Variants in TP53BP1 observed in about 807,000 individuals in gnomAD.
TP53BP1 encodes the protein tumor protein p53 binding protein 1.
A neutral mutation model predicts 200.8 loss-of-function variants in TP53BP1; 61 were observed. The ratio of observed to expected loss-of-function variants is 0.30; its 90% CI spans 0.25 to 0.38. The LOEUF (loss-of-function observed/expected upper bound fraction) is 0.38, where lower values mean the gene tolerates loss of function less well. Ranked by LOEUF, TP53BP1 falls within the 10% of genes least tolerant of loss-of-function variation. The probability of loss-of-function intolerance (pLI) is 1.00; values close to 1 mark genes in which losing one functional copy is unlikely to be tolerated. For synonymous variants in TP53BP1, 822 were observed against 844.3 expected, an observed-to-expected ratio of 0.97 and a Z score of 0.46; for missense variants, 2,144 against 2,371.9, an observed-to-expected ratio of 0.90 and a Z score of 2.00.
chr15:43,495,734 G>A (rs2079179237), upstream of TP53BP1, among the ~76,000 whole-genome samples: 1 of 149,154 alleles, frequency 6.7e-6, no homozygotes, highest in African/African-American at 2.5e-5. Context: ...GGAGAATGGC[G>A]TGAACCCGGG....
At chr15:43,419,396 G>A (rs1243567315) in intron 21 of TP53BP1, among the ~76,000 whole-genome samples, 1 of 151,848 alleles carries the variant, frequency 6.6e-6, no homozygotes, top group Non-Finnish European at 1.5e-5. Context: ...GGGTCTCACT[G>A]TTTCCCAGGC....
chr15:43,479,320 T>C (rs1043195528), intron 7 of TP53BP1, 77 bp downstream of exon 7: 5 of 1,379,766 alleles, frequency 3.6e-6, no homozygotes, highest in Non-Finnish European at 4.8e-6. Context: ...TTTCTAAAAA[T>C]GTTTTCATCT....
Position 43,422,121 on chromosome 15 carries a change from A to T in TP53BP1, c.3834T>A (p.Thr1278=). 3 of 1,613,518 alleles carry T rather than the reference A, an allele frequency of 1.9e-6. No individual in the cohort carries two copies. The highest frequency in any genetic ancestry group is 2.5e-6 in the Non-Finnish European group (3 of 1,179,792). Residue 1278 remains threonine, a synonymous_variant, in exon 19 of 28, where the codon ACT becomes ACA. Transcript: ENST00000382044. The stretch of plus-strand genomic sequence containing the variant: ...CCTGACACTCTACAATTGGCTCTTC[A>T]GTCTCCTGCAAGGAAAAAATAGATA... ...TEVERKVTEE[T]EEPIVECQEC... is the part of the protein sequence containing the mutation.
At chr15:43,443,178 G>A (rs1015586505) in intron 14 of TP53BP1, among the ~76,000 whole-genome samples, 1 of 151,366 alleles carries the variant, frequency 6.6e-6, no homozygotes, top group African/African-American at 2.4e-5. Flanking sequence ...ATTCATCTCT[G>A]CCCATATAAG....
rs1326127794 is a variant in TP53BP1 at position 43,432,463 on chromosome 15, C to T, written c.3406G>A (p.Gly1136Arg). Residue 1136 changes from glycine (G) to arginine (R), a missense_variant, in exon 17 of 28, where the codon GGA (glycine) becomes AGA (arginine). Coordinates refer to ENST00000382044, the MANE Select transcript of TP53BP1 (RefSeq NM_001141980.3). ...VTDVLEDQKE[G>R]RSTNKENPSK... ...GGATTTTCCTTATTAGTACTCCGTC[C>T]TTCTTTCTGGTCTTCTAGCACATCT... The T allele has an allele frequency of 6.2e-7, 1 of 1,614,158 alleles. No homozygotes were observed.
At chr15:43,423,495 T>C (rs202238304) in intron 18 of TP53BP1, among the ~76,000 whole-genome samples, 2 of 102,418 alleles carry the variant, frequency 2.0e-5, no homozygotes, top group African/African-American at 1.1e-4. Flanking sequence ...CCGTCTCTAC[T>C]AACACAAAAA....
Position 43,403,693 on chromosome 15 carries a change from G to A in TP53BP1, c.*3690C>T. The A allele has an allele frequency of 6.2e-7, 1 of 1,611,984 alleles. No individual in the cohort carries two copies. The highest frequency in any genetic ancestry group is 8.5e-7 in the Non-Finnish European group (1 of 1,179,452). Reference sequence around the variant, plus strand: ...CTGTTTCCCGGGTAGGTGTTTCACTGCCTGAATGAAATCCTAGATCTCTGT... The same window carrying A: ...CTGTTTCCCGGGTAGGTGTTTCACTACCTGAATGAAATCCTAGATCTCTGT... On this transcript the variant is annotated 3_prime_UTR_variant, in exon 28 of 28. Coordinates refer to ENST00000382044, the MANE Select transcript of TP53BP1 (RefSeq NM_001141980.3).
chr15:43,455,614 GGAGGCT>G (rs2046273761), intron 12 of TP53BP1, among the ~76,000 whole-genome samples: 1 of 151,922 alleles, frequency 6.6e-6, no homozygotes, highest in South Asian at 2.1e-4. Flanking sequence ...CAGCTACTTG[GGAGGCT>G]GAGGCACGAG....
Position 43,420,306 on chromosome 15 carries a change from T to C in TP53BP1, c.4680A>G (p.Ala1560=). The C allele has an allele frequency of 6.2e-7, 1 of 1,611,568 alleles. No homozygotes were observed. The highest frequency in any genetic ancestry group is 8.5e-7 in the Non-Finnish European group (1 of 1,177,960). The change falls in exon 21 of 28, where the codon GCA becomes GCG. Residue 1560 remains alanine (A), a splice_region_variant and synonymous_variant. Coordinates refer to ENST00000382044, the MANE Select transcript of TP53BP1 (RefSeq NM_001141980.3). ...TACAAACTCTGCTTCTTTCATTACC[T>C]GCACTGAAATACTCATCCTCCGAGA... ...TALSEDEYFS[A]GVVKGHRKES...
Position 43,415,582 on chromosome 15 carries a change from A to G in TP53BP1, c.5089+12T>C, listed in dbSNP as rs752210004. On this transcript the variant is annotated intron_variant, in intron 23 of 27. Transcript: ENST00000382044. ...GGTCTGAAGGAAGAATGAGGCAAAA[A>G]GGAGCACTTACCAGGTTTTACTGTG... 6.2e-7 allele frequency: 1 copy of G among 1,613,950 alleles called. No individual in the cohort carries two copies. The highest frequency in any genetic ancestry group is 2.2e-5 in the East Asian group (1 of 44,886).
intron 18 of TP53BP1, among the ~76,000 whole-genome samples, chr15:43,425,828 G>A (rs1195007808): frequency 2.0e-5 from 3 of 152,176 alleles, no homozygotes; most frequent in African/African-American, 4.8e-5. Context: ...TTAATCGGGA[G>A]GCTGAGGCAG....
chr15:43,457,066 T>G lies in TP53BP1; in HGVS notation c.1542A>C (p.Thr514=), dbSNP rs758660451. Reference sequence around the variant, plus strand: ...AAAGCATCAACTTGCAAGAATCCCCTGTCAAAGATAGCCCAAGATCCTCAG... The same window carrying G: ...AAAGCATCAACTTGCAAGAATCCCCGGTCAAAGATAGCCCAAGATCCTCAG... ...NSPEDLGLSL[T]GDSCKLMLST... Residue 514 remains threonine, a synonymous_variant, in exon 12 of 28, where the codon ACA becomes ACC. Transcript: ENST00000382044. The G allele has an allele frequency of 1.9e-6, 3 of 1,614,208 alleles. No homozygotes were observed. The highest frequency in any genetic ancestry group is 2.5e-6 in the Non-Finnish European group (3 of 1,180,038).
Position 43,491,684 on chromosome 15 carries a change from G to T in TP53BP1, c.356C>A (p.Pro119Gln). The T allele has an allele frequency of 6.2e-7, 1 of 1,613,282 alleles. No homozygotes were observed. Among genetic ancestry groups the T allele is most frequent in the Non-Finnish European group, 8.5e-7 (1 of 1,179,282 alleles). Residue 119 changes from proline (P) to glutamine (Q), a missense_variant, in exon 4 of 28, where the codon CCA (proline) becomes CAA (glutamine). Pro to Gln is a moderately conservative substitution (Grantham distance 76, BLOSUM62 -1). Around this residue, in one of 4 missense-constraint regions of TP53BP1, gnomAD observed 1,700 missense variants for 1,710.3 expected, o/e 0.99. Transcript: ENST00000382044. ...ISQVIEQLPQ[P>Q]NRTSSVLGMS... The stretch of plus-strand genomic sequence containing the variant: ...CACTGTATACCTGCTTGTCCTGTTT[G>T]GCTGAGGTAACTGCTCAATGACCTG...
chr15:43,502,514 G>A lies in TP53BP1; in HGVS notation c.-9+7856C>T, dbSNP rs543885928. Among the ~76,000 whole-genome samples, 317 of 151,436 alleles carry A rather than the reference G, an allele frequency of 2.1e-3. 2 individuals are homozygous for A. The highest frequency in any genetic ancestry group is 7.1e-3 in the African/African-American group (295 of 41,260). ...CTGTCACCCAGGCTGGAGTGCAGTA[G>A]CGCGATCTTGGCTCACTGCAAGCTC... On this transcript the variant is annotated intron_variant, in intron 1 of 27. Coordinates refer to the TP53BP1 transcript ENST00000263801.
intron 21 of TP53BP1, among the ~76,000 whole-genome samples, chr15:43,419,199 AAC>A (rs1301654671): frequency 5.3e-5 from 8 of 152,206 alleles, no homozygotes; most frequent in East Asian, 1.9e-4. Context: ...TAGCCTGGGA[AAC>A]AGAGTGAGTG....
At chr15:43,481,601 G>A (rs2078968307) in intron 4 of TP53BP1, among the ~76,000 whole-genome samples, 1 of 151,614 alleles carries the variant, frequency 6.6e-6, no homozygotes, top group African/African-American at 2.4e-5. Context: ...CAGGTCACGA[G>A]GTCAAGAGAT....
intron 15 of TP53BP1, among the ~76,000 whole-genome samples, chr15:43,439,275 T>C (rs2045873727): frequency 6.6e-6 from 1 of 152,052 alleles, no homozygotes; most frequent in East Asian, 1.9e-4. Flanking sequence ...CGGTGGCTTA[T>C]ACCTGTAATC....
Position 43,456,512 on chromosome 15 carries a change from G to C in TP53BP1, c.2096C>G (p.Thr699Ser). 2 of 1,594,666 alleles carry C rather than the reference G, an allele frequency of 1.3e-6. No homozygotes were observed. The highest frequency in any genetic ancestry group is 1.7e-6 in the Non-Finnish European group (2 of 1,171,658). The change falls in exon 12 of 28, where the codon ACT (threonine) becomes AGT (serine). Residue 699 changes from threonine (T) to serine (S), a missense_variant. Thr to Ser is a moderately conservative substitution (Grantham distance 58). Coordinates refer to ENST00000382044, the MANE Select transcript of TP53BP1 (RefSeq NM_001141980.3). The stretch of plus-strand genomic sequence containing the variant: ...ACACAACCCTTGGGACTGAGTTTCA[G>C]TCAGAGAAAGGTGCAACGGAACACT... ...MESVPLHLSL[T>S]ETQSQGLCLQ...
In TP53BP1 at chr15:43,404,740, C is replaced by A; in HGVS notation, c.*2643G>T. 3.1e-6 allele frequency: 2 copies of A among 647,548 alleles called. No individual in the cohort carries two copies. Among genetic ancestry groups the A allele is most frequent in the Non-Finnish European group, 5.1e-6 (2 of 394,742 alleles). 40.1% of individuals were successfully genotyped at this position (647,548 alleles called of 1,614,324 possible). ...ATTTTCTAGTAGAAGTCATCATCATCATAAAATACTAAAAAACCTGACAGT... is the reference window on the plus strand; with the variant it reads ...ATTTTCTAGTAGAAGTCATCATCATAATAAAATACTAAAAAACCTGACAGT... On this transcript the variant is annotated 3_prime_UTR_variant, in exon 28 of 28. Transcript: ENST00000382044.
Sources: gnomAD v4.1 joint callset for allele counts (sites outside exome capture counted in the v4.1 genomes callset) on GRCh38, gnomAD v4.1.1 for gene constraint, gnomAD v4.1.1 regional missense constraint, MANE v1.5 for transcripts, NCBI Gene and HGNC (gene_info 2026-07-23, HGNC 2026-07-21) for gene names.